Variants in OTOF observed in about 807,000 individuals in gnomAD.
OTOF encodes fer-1-like family member 2.
In OTOF, 218 loss-of-function variants were observed where a neutral mutation model predicts 236.8. That is an observed-to-expected ratio of 0.92 (90% CI 0.82 to 1.03). OTOF has a LOEUF of 1.03. Among genes scored for constraint, OTOF ranks in the 50% least tolerant of loss-of-function variants. The pLI, the probability that OTOF is intolerant of heterozygous loss-of-function variation, is 0.00. For missense variants in OTOF, 2,590 were observed against 2,694.4 expected (o/e 0.96, Z 0.86); for synonymous variants, 1,041 against 1,072.5 (o/e 0.97, Z 0.57).
At position 26,536,354 on chromosome 2, in the gene OTOF, G is replaced by A. The variant is rs185688960; in HGVS notation, c.138+1362C>T. On this transcript the variant is annotated intron_variant, in intron 2 of 46. Coordinates refer to ENST00000272371, the MANE Select transcript of OTOF (RefSeq NM_194248.3). ...CCAGGAGGGGGAGAAGGTAAGGACA[G>A]AAACTTCCTTAGCTCTAGTGATTCA... Among the ~76,000 whole-genome samples the A allele has an allele frequency of 4.4e-4, 67 of 152,288 alleles. 1 individual carries two copies. The Middle Eastern group carries it at 0.014, about 31-fold the overall frequency.
chr2:26,472,044 T>C (rs1485205139), intron 30 of OTOF, among the ~76,000 whole-genome samples: 4 of 151,598 alleles, frequency 2.6e-5, no homozygotes, highest in Non-Finnish European at 4.4e-5. Flanking sequence ...CACACATACA[T>C]GCACATGCTC....
At chr2:26,464,754 T>C in intron 39 of OTOF, 115 bp downstream of exon 39, 1 of 1,042,766 alleles carries the variant, frequency 9.6e-7, no homozygotes, top group Non-Finnish European at 1.4e-6. Context: ...AGACCAGGTT[T>C]AGGCTGAGGA....
At position 26,537,772 on chromosome 2, in the gene OTOF, G is replaced by T. The variant is rs770168563; in HGVS notation, c.82C>A (p.Gln28Lys). The change falls in exon 2 of 47, where the codon CAA (glutamine) becomes AAA (lysine). Residue 28 changes from glutamine to lysine, a missense_variant and splice_region_variant. Around this residue, in one of 2 missense-constraint regions of OTOF, gnomAD observed 1,379 missense variants for 1,341.6 expected, o/e 1.03. Transcript: ENST00000272371. ...TCCAGGACCCGAGAGTAGAAGGATT[G>T]CCCTGTGGGGAAAGAGGAAATAAAT... The part of the protein sequence containing the change: ...DRIAKVTFRG[Q>K]SFYSRVLENC... 2 of 1,552,698 alleles carry T rather than the reference G, an allele frequency of 1.3e-6. No individual in the cohort carries two copies. Among genetic ancestry groups the T allele is most frequent in the African/African-American group, 1.4e-5 (1 of 73,212 alleles).
At position 26,502,408 on chromosome 2, in the gene OTOF, T is replaced by C; in HGVS notation, c.602A>G (p.Glu201Gly). The change falls in exon 7 of 47, where the codon GAG becomes GGG. Residue 201 changes from glutamate (E) to glycine (G), a missense_variant. Transcript: ENST00000272371. Reference sequence around the variant, plus strand: ...GGCCAGATGGTCAAGGTCTTCCATCTCCAGCACCGCCGGTTCATCTGGGGA... The same window carrying C: ...GGCCAGATGGTCAAGGTCTTCCATCCCCAGCACCGCCGGTTCATCTGGGGA... ...PQRPDEPAVLEMEDLDHLAIR... is the reference protein window; with the variant it reads ...PQRPDEPAVLGMEDLDHLAIR... 1 of 1,613,550 alleles carries C rather than the reference T, an allele frequency of 6.2e-7. No homozygotes were observed.
chr2:26,458,413 C>T (rs964909350), intron 46 of OTOF, among the ~76,000 whole-genome samples, 193 bp from the exon 47 acceptor site: 1 of 152,242 alleles, frequency 6.6e-6, no homozygotes, highest in Non-Finnish European at 1.5e-5. Flanking sequence ...ATCCTCCCTG[C>T]AGCACCTTTG....
intron 1 of OTOF, among the ~76,000 whole-genome samples, chr2:26,550,485 G>A (rs1418549267): frequency 6.6e-6 from 1 of 152,148 alleles, no homozygotes; most frequent in Non-Finnish European, 1.5e-5. Context: ...GCAGCCAAGG[G>A]GCCTGGCCCT....
At chr2:26,517,332 C>T (rs1472804584) in intron 4 of OTOF, among the ~76,000 whole-genome samples, 2 of 152,164 alleles carry the variant, frequency 1.3e-5, no homozygotes, top group East Asian at 1.9e-4. Context: ...CCCAGACAGG[C>T]GGCCCTCACT....
In OTOF at chr2:26,470,687, T is replaced by C; in HGVS notation, c.3929A>G (p.Lys1310Arg). The change falls in exon 32 of 47, where the codon AAG (lysine) becomes AGG (arginine). Residue 1310 changes from lysine (K) to arginine (R), a missense_variant. Lys to Arg is a conservative substitution (Grantham distance 26). Transcript: ENST00000272371. The surrounding 1 kb of genome is among the most constrained non-coding windows in gnomAD (Gnocchi z 4.3). Reference protein sequence around the residue: ...EEEKEKKKKKKGTAEEPEEEE... With the variant: ...EEEKEKKKKKRGTAEEPEEEE... The stretch of plus-strand genomic sequence containing the variant: ...CTCCTCTGGCTCCTCCGCAGTGCCC[T>C]TCTTCTTCTTCTTCTTCTCCTTCTC... 6.4e-7 allele frequency: 1 copy of C among 1,565,654 alleles called. No homozygotes were observed. Among genetic ancestry groups the C allele is most frequent in the South Asian group, 1.1e-5 (1 of 89,794 alleles).
chr2:26,514,985 A>G (rs1666485913), intron 5 of OTOF, among the ~76,000 whole-genome samples: 1 of 152,038 alleles, frequency 6.6e-6, no homozygotes, highest in African/African-American at 2.4e-5. Context: ...TCTTCTCACA[A>G]TTTCCAACCC....
chr2:26,490,619 C>T (rs1377318200), intron 9 of OTOF, among the ~76,000 whole-genome samples: 1 of 152,198 alleles, frequency 6.6e-6, no homozygotes, highest in Non-Finnish European at 1.5e-5. Flanking sequence ...CTCCTGGCTG[C>T]TGGGGGCTGG....
At chr2:26,547,725 G>A (rs34737086) in intron 1 of OTOF, among the ~76,000 whole-genome samples, 55,193 of 151,964 alleles carry the variant, frequency 0.36, 11,691 homozygotes, top group Admixed American at 0.5. Context: ...AGTCTCAGCT[G>A]CTCTACTCGG....
intron 1 of OTOF, among the ~76,000 whole-genome samples, chr2:26,553,125 G>A (rs975463098): frequency 9.9e-5 from 15 of 152,254 alleles, no homozygotes; most frequent in African/African-American, 3.6e-4. Flanking sequence ...CAACAGTAGG[G>A]GGACATCTTG....
rs1243464349 is a variant in OTOF, at chr2:26,465,962, G to C, written c.4615C>G (p.Pro1539Ala). Residue 1539 changes from proline (P) to alanine (A), a missense_variant, in exon 37 of 47, where the codon CCT (proline) becomes GCT (alanine). Pro to Ala is a conservative substitution (Grantham distance 27). Transcript: ENST00000272371. ...AAGAAGCCTTACTTCCCAAAGACAG[G>C]GTTGAGCTGCTTGGAGATGTAGTTC... ...KENYISKQLN[P>A]VFGKSFDIEA... is the part of the protein sequence containing the mutation. The C allele has an allele frequency of 6.2e-7, 1 of 1,614,268 alleles. No homozygotes were observed. Among genetic ancestry groups the C allele is most frequent in the Non-Finnish European group, 8.5e-7 (1 of 1,180,048 alleles).
Position 26,477,846 on chromosome 2 carries a change from C to T in OTOF, c.2215-97G>A, listed in dbSNP as rs761765634. On this transcript the variant is annotated intron_variant, in intron 18 of 46. Coordinates refer to ENST00000272371, the MANE Select transcript of OTOF (RefSeq NM_194248.3). This position sits in a 1 kb window ranked among gnomAD's most constrained non-coding sequence, Gnocchi z 4.7. Reference sequence around the variant, plus strand: ...TGTTGATCAGGGGAGTGAGGGACCTCATGATCTGGGAGCTCTCGCTAGGGC... The same window carrying T: ...TGTTGATCAGGGGAGTGAGGGACCTTATGATCTGGGAGCTCTCGCTAGGGC... 8.3e-6 allele frequency: 13 copies of T among 1,566,972 alleles called. No individual in the cohort carries two copies. The highest frequency in any genetic ancestry group is 9.5e-6 in the Non-Finnish European group (11 of 1,156,232).
intron 8 of OTOF, among the ~76,000 whole-genome samples, chr2:26,501,343 C>G (rs1347604799): frequency 6.6e-6 from 1 of 152,232 alleles, no homozygotes; most frequent in African/African-American, 2.4e-5. Flanking sequence ...ATCGTCATTA[C>G]TTCCAGCAAT....
rs1235520734 is a variant in OTOF, at chr2:26,458,189, T to C, written c.*49A>G. The C allele has an allele frequency of 6.2e-7, 1 of 1,610,534 alleles. No homozygotes were observed. Among genetic ancestry groups the C allele is most frequent in the Non-Finnish European group, 8.5e-7 (1 of 1,178,394 alleles). ...AGGTACTTGATGGACTTGAGAGGGT[T>C]GAGGAACCAGACGAAGGCCGTGTCG... On this transcript the variant is annotated 3_prime_UTR_variant, in exon 47 of 47. Coordinates refer to ENST00000272371, the MANE Select transcript of OTOF (RefSeq NM_194248.3).
chr2:26,472,875 G>A (rs1417623107), intron 29 of OTOF, among the ~76,000 whole-genome samples: 1 of 152,162 alleles, frequency 6.6e-6, no homozygotes, highest in African/African-American at 2.4e-5. Flanking sequence ...GGGAGGCCTG[G>A]GTCTTCTCCA....
chr2:26,556,369 C>G (rs1431921451), intron 1 of OTOF, among the ~76,000 whole-genome samples: 1 of 152,142 alleles, frequency 6.6e-6, no homozygotes, highest in African/African-American at 2.4e-5. Flanking sequence ...CTGTGAACTG[C>G]TAGATGACAC....
At chr2:26,496,703 G>A (rs987712950) in intron 8 of OTOF, among the ~76,000 whole-genome samples, 6 of 152,066 alleles carry the variant, frequency 3.9e-5, no homozygotes, top group Non-Finnish European at 1.5e-5. Flanking sequence ...TCCTGTCAGG[G>A]TGGCCATGTT....
Sources: allele counts gnomAD v4.1 joint callset (sites outside exome capture counted in the v4.1 genomes callset), GRCh38; gene constraint gnomAD v4.1.1; regional missense constraint gnomAD v4.1.1; non-coding constraint Gnocchi (gnomAD v3.1); transcripts MANE v1.5; gene names NCBI Gene and HGNC (gene_info 2026-07-23, HGNC 2026-07-21).